The following PAWR variants were observed in gnomAD, a reference collection of about 807,000 sequenced individuals.
PAWR encodes the protein pro-apoptotic WT1 regulator, also known as PRKC apoptosis WT1 regulator protein.
PAWR carries 23 observed loss-of-function variants against 32.0 expected under a neutral mutation model. The observed-to-expected ratio is 0.72, with a 90% CI of 0.52 to 1.02. PAWR has a LOEUF of 1.02. Ranked by LOEUF, PAWR falls within the 50% of genes least tolerant of loss-of-function variation. The pLI, the probability that PAWR is intolerant of heterozygous loss-of-function variation, is 0.00. For missense variants in PAWR, 457 were observed against 437.7 expected (o/e 1.04, Z -0.39); for synonymous variants, 226 against 187.1 (o/e 1.21, Z -1.70).
Position 79,690,348 on chromosome 12 carries a change from C to T in PAWR, c.-104G>A, listed in dbSNP as rs1290051680. The T allele has an allele frequency of 2.2e-6, 3 of 1,353,162 alleles. No homozygotes were observed. Among genetic ancestry groups the T allele is most frequent in the Middle Eastern group, 5.4e-4 (2 of 3,678 alleles). 83.8% of individuals were successfully genotyped at this position (1,353,162 alleles called of 1,614,324 possible). ...GGCCCCGAGGATGCCAGGAGACGAC[C>T]TCCAGGAGAGGGACGGCCGCCGCTC... On this transcript the variant is annotated 5_prime_UTR_variant, in exon 2 of 7. Coordinates refer to ENST00000328827, the MANE Select transcript of PAWR (RefSeq NM_002583.4).
intron 3 of PAWR, among the ~76,000 whole-genome samples, chr12:79,620,868 A>G (rs1344932996): frequency 2.0e-5 from 3 of 152,192 alleles, no homozygotes; most frequent in Non-Finnish European, 4.4e-5. Context: ...AGCCTATCAA[A>G]GGATGCACAA....
intron 2 of PAWR, among the ~76,000 whole-genome samples, chr12:79,637,913 G>C (rs924411161): frequency 6.6e-6 from 1 of 152,054 alleles, no homozygotes; most frequent in Admixed American, 6.6e-5. Flanking sequence ...TCAAATAGTT[G>C]TGGATATCCC....
chr12:79,624,295 A>G (rs938924525), intron 2 of PAWR, among the ~76,000 whole-genome samples: 1 of 152,088 alleles, frequency 6.6e-6, no homozygotes, highest in Non-Finnish European at 1.5e-5. Context: ...TGCCCCCTCA[A>G]CTAGACTCCC....
At chr12:79,632,346 TATATATATA>T (rs1875730098) in intron 2 of PAWR, among the ~76,000 whole-genome samples, 2 of 66,800 alleles carry the variant, frequency 3.0e-5, no homozygotes, top group Admixed American at 1.7e-4. Flanking sequence ...TATATATATA[TATATATATA>T]TATATATTTT....
chr12:79,672,468 T>G (rs1457733252), intron 2 of PAWR, among the ~76,000 whole-genome samples: 1 of 152,156 alleles, frequency 6.6e-6, no homozygotes, highest in East Asian at 1.9e-4. Flanking sequence ...TAGAACATTT[T>G]TACCCCAGCT....
chr12:79,645,065 CACAA>C (rs1876508617), intron 2 of PAWR, among the ~76,000 whole-genome samples: 3 of 151,782 alleles, frequency 2.0e-5, no homozygotes, highest in South Asian at 2.1e-4. Context: ...CACACACACA[CACAA>C]AAATCAATGT....
At chr12:79,620,937 AAC>A in intron 3 of PAWR, 137 bp downstream of exon 3, 1 of 650,442 alleles carries the variant, frequency 1.5e-6, no homozygotes, top group Non-Finnish European at 2.6e-6. Context: ...GTGATGTCAG[AAC>A]CCACTTATGG....
intron 2 of PAWR, among the ~76,000 whole-genome samples, chr12:79,648,969 A>C (rs1047804669): frequency 1.3e-5 from 2 of 152,234 alleles, no homozygotes; most frequent in Non-Finnish European, 2.9e-5. Context: ...ACTAAAGGCT[A>C]TAATAATGTC....
At chr12:79,676,468 T>TACAGTTTCTTA (rs1182310122) in intron 2 of PAWR, among the ~76,000 whole-genome samples, 1 of 152,150 alleles carries the variant, frequency 6.6e-6, no homozygotes, top group Non-Finnish European at 1.5e-5. Context: ...ATTAATAAAC[T>TACAGTTTCTTA]GTATTCTCTG....
intron 2 of PAWR, among the ~76,000 whole-genome samples, chr12:79,638,554 A>G (rs1181799113): frequency 1.3e-5 from 2 of 151,876 alleles, no homozygotes; most frequent in African/African-American, 4.8e-5. Flanking sequence ...TAACTTAACT[A>G]ATCTCATATT....
intron 2 of PAWR, chr12:79,688,485 A>AC (rs1222046652): frequency 6.6e-6 from 1 of 151,468 alleles, no homozygotes; most frequent in Admixed American, 6.6e-5. Context: ...AAAAAAAAAA[A>AC]AACACCTAGA....
chr12:79,689,776 G>T lies in PAWR; in HGVS notation c.469C>A (p.Arg157=). 1 of 1,588,982 alleles carries T rather than the reference G, an allele frequency of 6.3e-7. No individual in the cohort carries two copies. The highest frequency in any genetic ancestry group is 8.6e-7 in the Non-Finnish European group (1 of 1,169,032). ...ACGCCGGTGGAGCGCCGCTTCTCCC[G>T]CAGCTTCCTCTTCTCGATCTGCCCC... ...GKGQIEKRKL[R]EKRRSTGVVN... is the part of the protein sequence containing the mutation. The change falls in exon 2 of 7, where the codon CGG becomes AGG. Residue 157 remains arginine, a synonymous_variant. Transcript: ENST00000328827.
chr12:79,627,348 G>A (rs982777123), intron 2 of PAWR, among the ~76,000 whole-genome samples: 1 of 152,192 alleles, frequency 6.6e-6, no homozygotes, highest in Non-Finnish European at 1.5e-5. Flanking sequence ...CAGTGATGAT[G>A]AGCATTTTTT....
At chr12:79,618,279 C>T (rs1297953643) in intron 3 of PAWR, among the ~76,000 whole-genome samples, 1 of 152,024 alleles carries the variant, frequency 6.6e-6, no homozygotes, top group Non-Finnish European at 1.5e-5. Context: ...CAGGTGAACA[C>T]CACCATGCTC....
rs1873365337 is a variant in PAWR at position 79,585,621 on chromosome 12, T to A, written c.*6986A>T. ...CAGCCTGGCACATACGGCTACTGAATTACTAATGAATGTTATTATGCTATC... is the reference window on the plus strand; with the variant it reads ...CAGCCTGGCACATACGGCTACTGAAATACTAATGAATGTTATTATGCTATC... On this transcript the variant is annotated 3_prime_UTR_variant, in exon 7 of 7. Coordinates refer to ENST00000328827, the MANE Select transcript of PAWR (RefSeq NM_002583.4). 1 of 152,596 alleles carries A rather than the reference T, an allele frequency of 6.6e-6. No individual in the cohort carries two copies. Among genetic ancestry groups the A allele is most frequent in the South Asian group, 2.1e-4 (1 of 4,846 alleles). 9.5% of individuals were successfully genotyped at this position (152,596 alleles called of 1,614,324 possible). A position where few individuals can be genotyped will look rare whatever the true frequency, so the allele number is the denominator to read the frequency against.
At chr12:79,596,805 A>G (rs557371660) in intron 4 of PAWR, 147 bp from the exon 5 acceptor site, 2 of 532,152 alleles carry the variant, frequency 3.8e-6, no homozygotes, top group Admixed American at 3.8e-5. Flanking sequence ...GAAGTTAATC[A>G]TTATTCCCAC....
intron 4 of PAWR, chr12:79,597,987 T>C (rs1431613634): frequency 6.6e-6 from 1 of 152,236 alleles, no homozygotes; most frequent in African/African-American, 2.4e-5. Flanking sequence ...CTCACATGAC[T>C]GATGACAACA....
chr12:79,679,849 T>A (rs1451659889), intron 2 of PAWR, among the ~76,000 whole-genome samples: 1 of 152,198 alleles, frequency 6.6e-6, no homozygotes, highest in African/African-American at 2.4e-5. Flanking sequence ...CAATGAAATA[T>A]CTCTGAAATC....
intron 2 of PAWR, among the ~76,000 whole-genome samples, chr12:79,626,980 A>G (rs1875362078): frequency 6.6e-6 from 1 of 152,120 alleles, no homozygotes; most frequent in Non-Finnish European, 1.5e-5. Context: ...TTCTTAATCC[A>G]GTCTATCGTT....
Sources: gnomAD v4.1 joint callset for allele counts (sites outside exome capture counted in the v4.1 genomes callset) on GRCh38, gnomAD v4.1.1 for gene constraint, MANE v1.5 for transcripts, NCBI Gene and HGNC (gene_info 2026-07-23, HGNC 2026-07-21) for gene names.